Variants in EPHB1 observed in about 807,000 individuals in gnomAD.
The protein encoded by EPHB1 is ephrin type-B receptor 1.
Under a neutral mutation model 94.4 loss-of-function variants are expected in EPHB1, and 30 were observed. That is an observed-to-expected ratio of 0.32 (90% CI 0.24 to 0.43). The LOEUF (loss-of-function observed/expected upper bound fraction) is 0.43. Among genes scored for constraint, EPHB1 ranks in the 20% least tolerant of loss-of-function variants. EPHB1 has a pLI of 1.00. For missense variants in EPHB1, 1,055 were observed against 1,308.3 expected (o/e 0.81, Z 2.99); for synonymous variants, 522 against 489.1 (o/e 1.07, Z -0.89).
chr3:135,235,004 C>T (rs943759800), intron 12 of EPHB1, among the ~76,000 whole-genome samples: 15 of 151,332 alleles, frequency 9.9e-5, no homozygotes, highest in Admixed American at 9.3e-4. Flanking sequence ...ACAAATACCC[C>T]TCTTCTCTCC....
chr3:135,154,306 G>C lies in EPHB1; in HGVS notation c.1422+30G>C, dbSNP rs775668902. On this transcript the variant is annotated intron_variant, in intron 6 of 15. Coordinates refer to ENST00000398015, the MANE Select transcript of EPHB1 (RefSeq NM_004441.5). ...GCCAGCTCTACCTGCAAGCTTGCAA[G>C]ACCCAAGGCCAGCCACTGTTCCATG... 1.1e-5 allele frequency: 18 copies of C among 1,613,166 alleles called. No individual in the cohort carries two copies. The South Asian group carries it at 2.0e-4, about 18-fold the overall frequency.
At chr3:134,862,960 G>A (rs150191006) in intron 1 of EPHB1, among the ~76,000 whole-genome samples, 14 of 152,316 alleles carry the variant, frequency 9.2e-5, no homozygotes, top group African/African-American at 2.9e-4. Flanking sequence ...TCAGTGGTAC[G>A]GCTTTTCTGA....
At chr3:134,984,691 C>T (rs1385052407) in intron 3 of EPHB1, among the ~76,000 whole-genome samples, 1 of 152,156 alleles carries the variant, frequency 6.6e-6, no homozygotes, top group Non-Finnish European at 1.5e-5. Flanking sequence ...GGTCAGAGCT[C>T]CCAGCCTAGG....
At chr3:135,185,363 A>G (rs1192033115) in intron 10 of EPHB1, among the ~76,000 whole-genome samples, 1 of 152,242 alleles carries the variant, frequency 6.6e-6, no homozygotes. Context: ...GTAGCTCCAC[A>G]TTGAATAGAA....
intron 3 of EPHB1, among the ~76,000 whole-genome samples, chr3:135,062,753 C>T (rs542932146): frequency 6.6e-6 from 1 of 152,276 alleles, no homozygotes; most frequent in South Asian, 2.1e-4. Context: ...GTCATGAAAT[C>T]TTTGCCTAAG....
At chr3:135,154,572 C>T (rs888244508) in intron 6 of EPHB1, among the ~76,000 whole-genome samples, 2 of 152,184 alleles carry the variant, frequency 1.3e-5, no homozygotes, top group Admixed American at 1.3e-4. Context: ...GTTTGATATA[C>T]TAATGCAGAT....
chr3:135,142,185 T>C (rs1410739589), intron 5 of EPHB1, among the ~76,000 whole-genome samples: 2 of 152,084 alleles, frequency 1.3e-5, no homozygotes, highest in African/African-American at 2.4e-5. Flanking sequence ...GTATTGGGGT[T>C]GAAAGTTTGA....
At chr3:135,257,296 C>CT (rs548147628) in intron 15 of EPHB1, among the ~76,000 whole-genome samples, 9 of 152,198 alleles carry the variant, frequency 5.9e-5, no homozygotes, top group Non-Finnish European at 1.2e-4. Flanking sequence ...AGGCGCTCTG[C>CT]TTTTTAAAGT....
intron 3 of EPHB1, among the ~76,000 whole-genome samples, chr3:134,964,645 ATGGATCTGAATG>A (rs1338009669): frequency 6.6e-6 from 1 of 152,198 alleles, no homozygotes; most frequent in Non-Finnish European, 1.5e-5. Context: ...ACATGCCCAC[ATGGATCTGAATG>A]TGGAGGCCCT....
intron 2 of EPHB1, among the ~76,000 whole-genome samples, chr3:134,942,585 C>T (rs769232527): frequency 4.6e-5 from 7 of 152,148 alleles, no homozygotes; most frequent in East Asian, 3.9e-4. Context: ...TGGTGCATCC[C>T]GGTTATTTAT....
At chr3:135,180,004 T>C (rs1942110978) in intron 10 of EPHB1, 22 bp downstream of exon 10, 12 of 1,613,182 alleles carry the variant, frequency 7.4e-6, no homozygotes, top group East Asian at 2.2e-5. Context: ...CCCTGTCTTG[T>C]TTCTGTTCTC....
intron 15 of EPHB1, among the ~76,000 whole-genome samples, chr3:135,253,873 T>A (rs1933242569): frequency 6.6e-6 from 1 of 152,194 alleles, no homozygotes; most frequent in East Asian, 1.9e-4. Context: ...TTTGTTTGTA[T>A]CCTTTTTTAT....
Position 134,978,336 on chromosome 3 carries a change from G to C in EPHB1, c.805+26284G>C, listed in dbSNP as rs557552529. Among the ~76,000 whole-genome samples, 4 of 152,196 alleles carry C rather than the reference G, an allele frequency of 2.6e-5. No individual in the cohort carries two copies. The East Asian group carries it at 7.7e-4, about 29-fold the overall frequency. ...AGGGATTTTCCCAAAAAGTAAAGCT[G>C]GTCCTGTCGACCTATGGGAGGCTCT... On this transcript the variant is annotated intron_variant, in intron 3 of 15. Transcript: ENST00000398015.
chr3:134,831,747 C>T (rs1251348691), intron 1 of EPHB1, among the ~76,000 whole-genome samples: 2 of 152,204 alleles, frequency 1.3e-5, no homozygotes, highest in African/African-American at 4.8e-5. Flanking sequence ...CGTTTTATAA[C>T]ATTTATTGCC....
intron 12 of EPHB1, among the ~76,000 whole-genome samples, chr3:135,213,007 G>T (rs1943067225): frequency 6.6e-6 from 1 of 152,134 alleles, no homozygotes; most frequent in Non-Finnish European, 1.5e-5. Flanking sequence ...GTTCTTTCAA[G>T]ATCTTTTTAA....
chr3:134,928,445 A>G (rs1362196289), intron 2 of EPHB1, among the ~76,000 whole-genome samples: 3 of 152,132 alleles, frequency 2.0e-5, no homozygotes, highest in Admixed American at 6.5e-5. Flanking sequence ...GACTCTATGC[A>G]TTTGTTCATC....
In EPHB1 at chr3:135,152,737, C is replaced by T. The variant is rs77482404; in HGVS notation, c.1298-1415C>T. 9.6e-3 allele frequency among the ~76,000 whole-genome samples: 1,456 copies of T among 152,272 alleles called. 19 individuals are homozygous for T. The highest frequency in any genetic ancestry group is 0.033 in the African/African-American group (1,387 of 41,534). On this transcript the variant is annotated intron_variant, in intron 5 of 15. Coordinates refer to ENST00000398015, the MANE Select transcript of EPHB1 (RefSeq NM_004441.5). ...TATCGCAGGAATGGGTCTGCCATGGCATCCCTGCTGCTCTCATTCATTGGC... is the reference window on the plus strand; with the variant it reads ...TATCGCAGGAATGGGTCTGCCATGGTATCCCTGCTGCTCTCATTCATTGGC...
chr3:134,807,855 G>A (rs911394218), intron 1 of EPHB1, among the ~76,000 whole-genome samples: 2 of 152,178 alleles, frequency 1.3e-5, no homozygotes, highest in Non-Finnish European at 2.9e-5. Flanking sequence ...GCCACAGTGT[G>A]ACAGAGGAGC....
intron 15 of EPHB1, among the ~76,000 whole-genome samples, chr3:135,251,985 CTTAAT>C (rs1212542721): frequency 1.3e-5 from 2 of 152,146 alleles, no homozygotes; most frequent in Non-Finnish European, 2.9e-5. Flanking sequence ...GAGCACATTA[CTTAAT>C]TTCTCTGAGC....
Sources: gnomAD v4.1 joint callset for allele counts (sites outside exome capture counted in the v4.1 genomes callset) on GRCh38, gnomAD v4.1.1 for gene constraint, MANE v1.5 for transcripts, NCBI Gene and HGNC (gene_info 2026-07-23, HGNC 2026-07-21) for gene names.